CNTNAP2: variants seen among roughly 807,000 people sequenced by gnomAD.
The protein encoded by CNTNAP2 is contactin-associated protein-like 2.
In CNTNAP2, 98 loss-of-function variants were observed where a neutral mutation model predicts 155.2. The observed-to-expected ratio is 0.63, with a 90% CI of 0.54 to 0.75. CNTNAP2 has a LOEUF of 0.75. CNTNAP2 is among the 30% of genes least tolerant of loss of function. The pLI is 0.00. For missense variants in CNTNAP2, 1,727 were observed against 1,688.1 expected (o/e 1.02, Z -0.40); for synonymous variants, 651 against 631.2 (o/e 1.03, Z -0.47).
intron 21 of CNTNAP2, among the ~76,000 whole-genome samples, chr7:148,375,918 T>A (rs1798976206): frequency 1.7e-5 from 1 of 58,224 alleles, no homozygotes; most frequent in Non-Finnish European, 4.6e-5. Flanking sequence ...GAGAATTGCT[T>A]GAACCTGGGA....
chr7:146,448,132 A>G (rs185095747), intron 1 of CNTNAP2, among the ~76,000 whole-genome samples: 1 of 152,062 alleles, frequency 6.6e-6, no homozygotes, highest in Non-Finnish European at 1.5e-5. Flanking sequence ...TACCAACACC[A>G]ATACATATTT....
chr7:147,754,946 G>A (rs1797193928), intron 13 of CNTNAP2, among the ~76,000 whole-genome samples: 1 of 152,096 alleles, frequency 6.6e-6, no homozygotes, highest in Non-Finnish European at 1.5e-5. Flanking sequence ...CACTGTTTAG[G>A]CATAAACACA....
chr7:147,399,338 G>C (rs904943841), intron 10 of CNTNAP2, among the ~76,000 whole-genome samples: 31 of 152,148 alleles, frequency 2.0e-4, no homozygotes, highest in African/African-American at 6.8e-4. Flanking sequence ...GGTAGAAGCA[G>C]GAGGCTAACT....
intron 1 of CNTNAP2, among the ~76,000 whole-genome samples, chr7:146,118,993 A>C (rs1797525468): frequency 6.6e-6 from 1 of 152,168 alleles, no homozygotes; most frequent in South Asian, 2.1e-4. Context: ...ATTGATTAGA[A>C]TGAGTTTCAT....
chr7:148,331,751 C>CGGATGGAGT (rs1798026677), intron 21 of CNTNAP2, among the ~76,000 whole-genome samples: 3 of 20,298 alleles, frequency 1.5e-4, no homozygotes, highest in African/African-American at 2.7e-4. Context: ...ATGGATGGAA[C>CGGATGGAGT]GGACGGATGG....
intron 15 of CNTNAP2, among the ~76,000 whole-genome samples, chr7:148,093,247 G>GA (rs1351327750): frequency 1.3e-5 from 2 of 151,516 alleles, no homozygotes; most frequent in African/African-American, 4.8e-5. Context: ...ATAATAAATA[G>GA]AGCCTTGTGA....
chr7:146,722,337 A>G (rs1801352906), intron 1 of CNTNAP2, among the ~76,000 whole-genome samples: 1 of 152,098 alleles, frequency 6.6e-6, no homozygotes, highest in South Asian at 2.1e-4. Context: ...TTGGCCTAGG[A>G]CTTCCAGACA....
intron 15 of CNTNAP2, among the ~76,000 whole-genome samples, chr7:148,113,185 C>T (rs1011639614): frequency 1.3e-5 from 2 of 152,108 alleles, no homozygotes; most frequent in Non-Finnish European, 2.9e-5. Flanking sequence ...TTCACAGTTC[C>T]CGCAGGCTGT....
chr7:147,990,338 AAG>A (rs1801688727), intron 15 of CNTNAP2, among the ~76,000 whole-genome samples: 1 of 152,200 alleles, frequency 6.6e-6, no homozygotes, highest in Non-Finnish European at 1.5e-5. Context: ...GAACAAACCT[AAG>A]AGGGGCTTCT....
At chr7:147,505,904 G>A (rs1486303061) in intron 11 of CNTNAP2, among the ~76,000 whole-genome samples, 1 of 152,106 alleles carries the variant, frequency 6.6e-6, no homozygotes, top group South Asian at 2.1e-4. Context: ...AAATGGGTTT[G>A]GATCAGATCT....
intron 1 of CNTNAP2, among the ~76,000 whole-genome samples, chr7:146,176,326 A>G (rs1338202369): frequency 6.6e-6 from 1 of 152,198 alleles, no homozygotes; most frequent in Non-Finnish European, 1.5e-5. Flanking sequence ...ATTGCCTCTC[A>G]GTTCCTTTAG....
At chr7:147,073,116 C>T (rs1385353181) in intron 4 of CNTNAP2, among the ~76,000 whole-genome samples, 1 of 80,934 alleles carries the variant, frequency 1.2e-5, no homozygotes, top group Non-Finnish European at 2.4e-5. Context: ...CCTCCCAAAG[C>T]CTTTTCTTTT....
chr7:146,355,129 A>G (rs1271161532), intron 1 of CNTNAP2, among the ~76,000 whole-genome samples: 2 of 152,224 alleles, frequency 1.3e-5, no homozygotes, highest in Non-Finnish European at 2.9e-5. Flanking sequence ...TTCCAATTGC[A>G]TACACATCAA....
chr7:146,285,349 A>G (rs1800309376), intron 1 of CNTNAP2, among the ~76,000 whole-genome samples: 4 of 152,140 alleles, frequency 2.6e-5, no homozygotes, highest in African/African-American at 9.7e-5. Flanking sequence ...CTTATAGTCC[A>G]TGACATGGAA....
chr7:146,371,374 T>TTTG (rs1795232821), intron 1 of CNTNAP2, among the ~76,000 whole-genome samples: 1 of 137,850 alleles, frequency 7.3e-6, no homozygotes, highest in Admixed American at 7.3e-5. Context: ...AGTTTTTTTT[T>TTTG]TTTTTTTTTT....
At chr7:147,394,890 T>C (rs900723471) in intron 9 of CNTNAP2, among the ~76,000 whole-genome samples, 1 of 151,086 alleles carries the variant, frequency 6.6e-6, no homozygotes, top group African/African-American at 2.4e-5. Flanking sequence ...TTCTATCTGT[T>C]ATTATTTACT....
chr7:147,021,464 C>T (rs189672415), intron 3 of CNTNAP2, among the ~76,000 whole-genome samples: 1 of 152,242 alleles, frequency 6.6e-6, no homozygotes, highest in Admixed American at 6.5e-5. Context: ...TCTCAGACTA[C>T]CACTATCCTG....
At chr7:146,820,939 G>T (rs534276817) in intron 2 of CNTNAP2, among the ~76,000 whole-genome samples, 1 of 152,010 alleles carries the variant, frequency 6.6e-6, no homozygotes, top group Non-Finnish European at 1.5e-5. Flanking sequence ...TGTCTCTTTT[G>T]ATCTTTGTTG....
At chr7:147,263,248 C>A (rs1804532449) in intron 8 of CNTNAP2, among the ~76,000 whole-genome samples, 1 of 152,078 alleles carries the variant, frequency 6.6e-6, no homozygotes, top group Non-Finnish European at 1.5e-5. Context: ...CCCAGCTACT[C>A]TACCCTGAAG....
Sources: allele counts gnomAD v4.1 joint callset (sites outside exome capture counted in the v4.1 genomes callset), GRCh38; gene constraint gnomAD v4.1.1; transcripts MANE v1.5; gene names NCBI Gene and HGNC (gene_info 2026-07-23, HGNC 2026-07-21).